Variants in NRP2 observed in about 807,000 individuals in gnomAD.
NRP2 encodes the protein neuropilin-2.
In NRP2, 52 loss-of-function variants were observed where a neutral mutation model predicts 110.4. The ratio of observed to expected loss-of-function variants is 0.47; its 90% CI spans 0.38 to 0.59. The LOEUF (loss-of-function observed/expected upper bound fraction) is 0.59. Among genes scored for constraint, NRP2 ranks in the 20% least tolerant of loss-of-function variants. NRP2 has a pLI of 0.00. For synonymous variants in NRP2, 508 were observed against 468.9 expected, an observed-to-expected ratio of 1.08 and a Z score of -1.08; for missense variants, 1,049 against 1,203.0, an observed-to-expected ratio of 0.87 and a Z score of 1.89.
intron 2 of NRP2, among the ~76,000 whole-genome samples, chr2:205,708,463 C>T (rs1011437462): frequency 5.3e-5 from 8 of 152,142 alleles, no homozygotes; most frequent in Non-Finnish European, 8.8e-5. Context: ...GGCTTTGTTG[C>T]GTGCCCTTAA....
chr2:205,749,337 T>G (rs35750207), intron 10 of NRP2, among the ~76,000 whole-genome samples: 5,701 of 152,328 alleles, frequency 0.037, 122 homozygotes, highest in Middle Eastern at 0.048. Context: ...GGTCTGAGCC[T>G]CTTTAAATCC....
At chr2:205,752,786 T>C (rs1257167816) in intron 11 of NRP2, 49 bp from the exon 12 acceptor site, 8 of 1,607,182 alleles carry the variant, frequency 5.0e-6, no homozygotes, top group Non-Finnish European at 6.8e-6. Context: ...GGCTGTTCTC[T>C]GAACCCATTT....
At chr2:205,747,642 A>G (rs1301671783) in intron 10 of NRP2, among the ~76,000 whole-genome samples, 3 of 152,204 alleles carry the variant, frequency 2.0e-5, no homozygotes, top group Non-Finnish European at 2.9e-5. Flanking sequence ...GAAATATCAC[A>G]GACCTGGGCC....
chr2:205,772,297 T>G (rs2058035135), intron 15 of NRP2, among the ~76,000 whole-genome samples: 1 of 152,252 alleles, frequency 6.6e-6, no homozygotes, highest in Admixed American at 6.5e-5. Flanking sequence ...ATAGTGACCC[T>G]ATTTGCAGAT....
At chr2:205,746,050 C>T (rs2057532922) in intron 10 of NRP2, among the ~76,000 whole-genome samples, 160 bp downstream of exon 10, 1 of 152,224 alleles carries the variant, frequency 6.6e-6, no homozygotes, top group African/African-American at 2.4e-5. Flanking sequence ...ACGGGTACTG[C>T]AGCCTCTGGA....
chr2:205,740,527 A>C lies in NRP2; in HGVS notation c.1155A>C (p.Gln385His). ...TGCATCTTACGCTACAGGTATTTCA[A>C]GCCAACAACGATGCAACTGAGGTGG... Reference protein sequence around the residue: ...YRHGKNHKVFQANNDATEVVL... With the variant: ...YRHGKNHKVFHANNDATEVVL... Residue 385 changes from glutamine (Q) to histidine (H), a missense_variant, in exon 8 of 17, where the codon CAA becomes CAC. Gln to His is a conservative substitution (Grantham distance 24). Coordinates refer to ENST00000357785, the MANE Select transcript of NRP2 (RefSeq NM_003872.3). The C allele has an allele frequency of 6.2e-7, 1 of 1,614,242 alleles. No individual in the cohort carries two copies. Among genetic ancestry groups the C allele is most frequent in the Non-Finnish European group, 8.5e-7 (1 of 1,180,044 alleles).
chr2:205,742,360 A>T (rs1435970770), intron 8 of NRP2, among the ~76,000 whole-genome samples: 3 of 152,252 alleles, frequency 2.0e-5, no homozygotes, highest in African/African-American at 4.8e-5. Context: ...ACATCGTAGA[A>T]CTTTCAGGCT....
chr2:205,777,089 G>T, intron 15 of NRP2: 1 of 995,024 alleles, frequency 1.0e-6, no homozygotes, highest in South Asian at 4.5e-5. Flanking sequence ...CATTTTACAA[G>T]AAAATAATAT....
At chr2:205,722,172 TACACACACACA>T (rs2057031574) in intron 3 of NRP2, 303 of 280,156 alleles carry the variant, frequency 1.1e-3, no homozygotes, top group Non-Finnish European at 1.5e-3. Context: ...CTCTCTCTCA[TACACACACACA>T]CACACACACA....
At chr2:205,776,870 C>G (rs1019680842) in intron 15 of NRP2, 1 of 1,228,226 alleles carries the variant, frequency 8.1e-7, no homozygotes. Flanking sequence ...CTTGCCTTAT[C>G]CCATACCTCC....
intron 1 of NRP2, among the ~76,000 whole-genome samples, chr2:205,688,213 T>C (rs2056221457): frequency 6.6e-6 from 1 of 152,224 alleles, no homozygotes; most frequent in Non-Finnish European, 1.5e-5. Flanking sequence ...GGGCAATGGC[T>C]TGTAGTGTTA....
At chr2:205,736,959 G>A (rs1218057596) in intron 7 of NRP2, among the ~76,000 whole-genome samples, 1 of 152,202 alleles carries the variant, frequency 6.6e-6, no homozygotes, top group Non-Finnish European at 1.5e-5. Context: ...ATAAATAGGG[G>A]AGATGCAGGG....
At chr2:205,774,511 T>C (rs1275419856) in intron 15 of NRP2, among the ~76,000 whole-genome samples, 1 of 152,176 alleles carries the variant, frequency 6.6e-6, no homozygotes, top group African/African-American at 2.4e-5. Flanking sequence ...AACACATCCT[T>C]GTCAAAGCTC....
At chr2:205,715,945 G>A (rs2056885439) in intron 2 of NRP2, among the ~76,000 whole-genome samples, 1 of 152,208 alleles carries the variant, frequency 6.6e-6, no homozygotes, top group Non-Finnish European at 1.5e-5. Context: ...CGATGCTCCT[G>A]CTCTTACGTG....
chr2:205,765,605 A>C, intron 14 of NRP2, 35 bp downstream of exon 14: 2 of 1,556,534 alleles, frequency 1.3e-6, no homozygotes, highest in Admixed American at 3.3e-5. Context: ...GGTTCTTTCA[A>C]ATAAGACCCC....
chr2:205,752,604 C>T, intron 11 of NRP2: 1 of 547,414 alleles, frequency 1.8e-6, no homozygotes, highest in Non-Finnish European at 3.3e-6. Flanking sequence ...TTCATAATTG[C>T]TTACTATGGG....
chr2:205,706,256 G>A (rs867322323), intron 2 of NRP2, among the ~76,000 whole-genome samples: 18 of 152,148 alleles, frequency 1.2e-4, no homozygotes, highest in Middle Eastern at 3.4e-3. Flanking sequence ...CTTGGAGGGT[G>A]AGCGAGACAT....
intron 15 of NRP2, chr2:205,779,567 T>G (rs751777828): frequency 2.0e-5 from 3 of 152,212 alleles, no homozygotes; most frequent in Non-Finnish European, 4.4e-5. Context: ...CTAAAGATTT[T>G]TACTTCCTAT....
intron 2 of NRP2, chr2:205,700,757 T>A (rs2056536295): frequency 1.9e-6 from 1 of 518,852 alleles, no homozygotes; most frequent in African/African-American, 1.9e-5. Flanking sequence ...TTTGCCTGAC[T>A]CAGTGCAATC....
Sources: gnomAD v4.1 joint callset for allele counts (sites outside exome capture counted in the v4.1 genomes callset) on GRCh38, gnomAD v4.1.1 for gene constraint, MANE v1.5 for transcripts, NCBI Gene and HGNC (gene_info 2026-07-23, HGNC 2026-07-21) for gene names.